Variants in UNC80 observed in about 807,000 individuals in gnomAD.
The protein encoded by UNC80 is unc-80 subunit of NALCN channel complex.
Under a neutral mutation model 384.6 loss-of-function variants are expected in UNC80, and 164 were observed. The observed-to-expected ratio is 0.43, with a 90% confidence interval of 0.38 to 0.49. The LOEUF (loss-of-function observed/expected upper bound fraction) is 0.49. UNC80 is among the 20% of genes least tolerant of loss of function. UNC80 has a pLI of 0.00. For missense variants in UNC80, 3,330 were observed against 4,143.0 expected (o/e 0.80, Z 5.39); for synonymous variants, 1,486 against 1,527.8 (o/e 0.97, Z 0.64).
At chr2:209,864,972 G>A (rs562680849) in intron 22 of UNC80, among the ~76,000 whole-genome samples, 7 of 152,198 alleles carry the variant, frequency 4.6e-5, no homozygotes, top group Non-Finnish European at 7.3e-5. Flanking sequence ...CTCTGGTGGC[G>A]TGAGTTCGTG....
At chr2:209,988,409 A>C (rs1575238588) in intron 61 of UNC80, among the ~76,000 whole-genome samples, 1 of 152,022 alleles carries the variant, frequency 6.6e-6, no homozygotes, top group Non-Finnish European at 1.5e-5. Flanking sequence ...TCAATCTATA[A>C]TTTTTTTGTA....
intron 24 of UNC80, among the ~76,000 whole-genome samples, chr2:209,880,429 T>C (rs568017946): frequency 6.6e-6 from 1 of 152,306 alleles, no homozygotes; most frequent in Non-Finnish European, 1.5e-5. Context: ...CAGAAACACA[T>C]TTGGACTAGA....
intron 33 of UNC80, 49 bp downstream of exon 33, chr2:209,918,712 CAATT>C: frequency 6.8e-7 from 1 of 1,460,078 alleles, no homozygotes; most frequent in Non-Finnish European, 9.1e-7. Context: ...TAAAAGAGAA[CAATT>C]AATATTTGTG....
In UNC80 at chr2:209,872,639, T is replaced by A. The variant is rs16843880; in HGVS notation, c.3628-119T>A. 136,671 of 988,084 alleles carry A rather than the reference T, an allele frequency of 0.14. 12,310 individuals are homozygous for A. The highest frequency in any genetic ancestry group is 0.35 in the African/African-American group (21,776 of 62,136). The allele number at this position is 988,084 out of a possible 1,614,324, so 61.2% of individuals were successfully genotyped here. On this transcript the variant is annotated intron_variant, in intron 22 of 64. Transcript: ENST00000673920. This position sits in a 1 kb window ranked among gnomAD's most constrained non-coding sequence, Gnocchi z 4.1. The stretch of plus-strand genomic sequence containing the variant: ...ACACCACCCTGGGAAATATGGCCAA[T>A]ATAAATCAAAACATGAAGAGGAAAA...
At chr2:209,841,463 C>T (rs1327966468) in intron 20 of UNC80, among the ~76,000 whole-genome samples, 1 of 152,092 alleles carries the variant, frequency 6.6e-6, no homozygotes, top group East Asian at 1.9e-4. Flanking sequence ...TCAAATGATT[C>T]TCCTGCCTCA....
intron 28 of UNC80, among the ~76,000 whole-genome samples, chr2:209,903,318 A>ATGTG (rs1200114285): frequency 2.8e-5 from 2 of 72,000 alleles, no homozygotes; most frequent in Non-Finnish European, 5.6e-5. Context: ...ATATTATATT[A>ATGTG]TATGTGTGTG....
At chr2:209,838,567 A>T (rs534156292) in intron 18 of UNC80, among the ~76,000 whole-genome samples, 36 of 152,030 alleles carry the variant, frequency 2.4e-4, no homozygotes, top group African/African-American at 8.7e-4. Flanking sequence ...GCATTTAAAT[A>T]TTTTTTTAAG....
intron 63 of UNC80, 145 bp from the exon 64 acceptor site, chr2:209,993,920 C>G (rs556937422): frequency 4.3e-6 from 3 of 696,812 alleles, no homozygotes; most frequent in South Asian, 2.4e-5. Flanking sequence ...GCAAAATGTT[C>G]AAACGTGCTC....
At chr2:209,884,193 CA>C (rs1332065377) in intron 25 of UNC80, among the ~76,000 whole-genome samples, 1 of 152,098 alleles carries the variant, frequency 6.6e-6, no homozygotes, top group Non-Finnish European at 1.5e-5. Flanking sequence ...ATTTTTTAAA[CA>C]AAATTTTGTT....
intron 12 of UNC80, 64 bp from the exon 13 acceptor site, chr2:209,820,247 G>A (rs10490023): frequency 0.024 from 34,392 of 1,458,868 alleles, 3,201 homozygotes; most frequent in East Asian, 0.23. Flanking sequence ...AGAATAATCA[G>A]ATCTCTTTAG....
intron 37 of UNC80, among the ~76,000 whole-genome samples, 199 bp downstream of exon 37, chr2:209,930,170 A>C (rs1008292215): frequency 2.7e-5 from 4 of 150,804 alleles, no homozygotes; most frequent in South Asian, 2.1e-4. Flanking sequence ...TCATGTTTCT[A>C]TATATATATA....
chr2:209,932,515 C>A (rs570503124), intron 38 of UNC80, among the ~76,000 whole-genome samples: 2 of 152,164 alleles, frequency 1.3e-5, no homozygotes, highest in Non-Finnish European at 2.9e-5. Context: ...TGTACCTGCC[C>A]CTTCCCCAGG....
At chr2:209,884,758 G>A (rs2085620815) in intron 25 of UNC80, among the ~76,000 whole-genome samples, 1 of 152,168 alleles carries the variant, frequency 6.6e-6, no homozygotes, top group Admixed American at 6.5e-5. Flanking sequence ...GGACATGGAT[G>A]GATCTGGAAG....
chr2:209,811,809 T>A (rs1327155863), intron 7 of UNC80, among the ~76,000 whole-genome samples: 2 of 152,148 alleles, frequency 1.3e-5, no homozygotes, highest in Non-Finnish European at 2.9e-5. Context: ...CATCAGACAA[T>A]GCTATTAACA....
chr2:209,841,738 T>C (rs1045522042), intron 20 of UNC80, among the ~76,000 whole-genome samples: 2 of 152,152 alleles, frequency 1.3e-5, no homozygotes, highest in Admixed American at 6.5e-5. Context: ...ATTTAGAAAA[T>C]ATATGTATCA....
At chr2:209,926,404 T>G (rs1011227156) in intron 35 of UNC80, among the ~76,000 whole-genome samples, 6 of 152,354 alleles carry the variant, frequency 3.9e-5, no homozygotes, top group Admixed American at 3.3e-4. Context: ...TAATCTTTTT[T>G]AAGATGTTGG....
chr2:209,885,841 C>T (rs2085749936), intron 25 of UNC80, among the ~76,000 whole-genome samples: 1 of 151,596 alleles, frequency 6.6e-6, no homozygotes, highest in African/African-American at 2.4e-5. Flanking sequence ...CTGCAACCTC[C>T]ACCTTCCAGT....
chr2:209,829,181 A>G, intron 14 of UNC80, 51 bp from the exon 15 acceptor site: 1 of 1,544,610 alleles, frequency 6.5e-7, no homozygotes, highest in African/African-American at 1.4e-5. Flanking sequence ...ACCAGTATCC[A>G]TAGCTTAAGC....
rs118107233 is a variant in UNC80 at position 209,948,740 on chromosome 2, G to A, written c.7286+2797G>A. Among the ~76,000 whole-genome samples, 23 of 152,180 alleles carry A rather than the reference G, an allele frequency of 1.5e-4. No individual in the cohort carries two copies. The East Asian group carries it at 3.1e-3, about 20-fold the overall frequency. On this transcript the variant is annotated intron_variant, in intron 47 of 64. Transcript: ENST00000673920. Reference sequence around the variant, plus strand: ...GGATCTTTGTTTCATTTCTGATCCCGGGGTATGGAGGGGATTTCCAATATT... The same window carrying A: ...GGATCTTTGTTTCATTTCTGATCCCAGGGTATGGAGGGGATTTCCAATATT...
Sources: allele counts gnomAD v4.1 joint callset (sites outside exome capture counted in the v4.1 genomes callset), GRCh38; gene constraint gnomAD v4.1.1; non-coding constraint Gnocchi (gnomAD v3.1); transcripts MANE v1.5; gene names NCBI Gene and HGNC (gene_info 2026-07-23, HGNC 2026-07-21).